Variants in LDLRAD2 observed in about 807,000 individuals in gnomAD.
LDLRAD2 encodes low density lipoprotein receptor class A domain containing 2, also known as low-density lipoprotein receptor class A domain-containing protein 2.
LDLRAD2 carries 25 observed loss-of-function variants against 24.9 expected under a neutral mutation model. The ratio of observed to expected loss-of-function variants is 1.00; its 90% CI spans 0.73 to 1.40. The LOEUF (loss-of-function observed/expected upper bound fraction) is 1.40. Ranked by LOEUF, LDLRAD2 falls within the 40% of genes most tolerant of loss-of-function variation. The pLI is 0.00. For synonymous variants in LDLRAD2, 182 were observed against 166.7 expected, an observed-to-expected ratio of 1.09 and a Z score of -0.71; for missense variants, 391 against 366.2, an observed-to-expected ratio of 1.07 and a Z score of -0.55.
In LDLRAD2 at chr1:21,825,056, C is replaced by G; in HGVS notation, c.*2841C>G. The G allele has an allele frequency of 2.0e-6, 1 of 501,142 alleles. No homozygotes were observed. The highest frequency in any genetic ancestry group is 3.7e-6 in the Non-Finnish European group (1 of 273,190). The allele number at this position is 501,142 out of a possible 1,614,324, so 31.0% of individuals were successfully genotyped here. A position where few individuals can be genotyped will look rare whatever the true frequency, so the allele number is the denominator to read the frequency against. On this transcript the variant is annotated 3_prime_UTR_variant, in exon 5 of 5. Transcript: ENST00000344642. ...ACCAAAGTAGCAGTGGTAGGACCTGCAACTTTGTTACTAGTATTTGCTTAT... is the reference window on the plus strand; with the variant it reads ...ACCAAAGTAGCAGTGGTAGGACCTGGAACTTTGTTACTAGTATTTGCTTAT...
Position 21,824,739 on chromosome 1 carries a change from G to A in LDLRAD2, c.*2524G>A, listed in dbSNP as rs2097964544. 2 of 1,613,578 alleles carry A rather than the reference G, an allele frequency of 1.2e-6. No individual in the cohort carries two copies. The highest frequency in any genetic ancestry group is 2.7e-5 in the African/African-American group (2 of 74,948). Reference sequence around the variant, plus strand: ...AGACATGGCCAGGGAAGGCGAGGAAGCCATCATCGTGGAAATAGGCTCCGT... The same window carrying A: ...AGACATGGCCAGGGAAGGCGAGGAAACCATCATCGTGGAAATAGGCTCCGT... On this transcript the variant is annotated 3_prime_UTR_variant, in exon 5 of 5. Transcript: ENST00000344642. The surrounding 1 kb of genome is among the most constrained non-coding windows in gnomAD (Gnocchi z 5.9).
chr1:21,824,247 C>A lies in LDLRAD2; in HGVS notation c.*2032C>A. On this transcript the variant is annotated 3_prime_UTR_variant, in exon 5 of 5. Coordinates refer to ENST00000344642, the MANE Select transcript of LDLRAD2 (RefSeq NM_001013693.3). This position sits in a 1 kb window ranked among gnomAD's most constrained non-coding sequence, Gnocchi z 5.9. ...CAAGAAGTATGAGCTGGGGCAGGAC[C>A]GGGGGGTGGGGTGCTGGGACCAGGG... is the stretch of plus-strand genomic sequence containing the variant. 1 of 1,612,800 alleles carries A rather than the reference C, an allele frequency of 6.2e-7. No homozygotes were observed. Among genetic ancestry groups the A allele is most frequent in the Non-Finnish European group, 8.5e-7 (1 of 1,179,260 alleles).
At chr1:21,815,906 C>G in intron 2 of LDLRAD2, 37 bp from the exon 3 acceptor site, 3 of 1,610,776 alleles carry the variant, frequency 1.9e-6, no homozygotes, top group Non-Finnish European at 2.5e-6. Flanking sequence ...TGGGCTGGAC[C>G]GGAATCCTCA....
Position 21,823,761 on chromosome 1 carries a change from G to C in LDLRAD2, c.*1546G>C, listed in dbSNP as rs1317525383. 1.0e-5 allele frequency: 15 copies of C among 1,502,228 alleles called. No individual in the cohort carries two copies. The highest frequency in any genetic ancestry group is 1.4e-5 in the Non-Finnish European group (15 of 1,081,380). 93.1% of individuals were successfully genotyped at this position (1,502,228 alleles called of 1,614,324 possible). On this transcript the variant is annotated 3_prime_UTR_variant, in exon 5 of 5. Transcript: ENST00000344642. ...TCAGGCCCCTTTCCACAAACTTCCTGGTCCTCCCCGGCCCCACGACAGAGT... is the reference window on the plus strand; with the variant it reads ...TCAGGCCCCTTTCCACAAACTTCCTCGTCCTCCCCGGCCCCACGACAGAGT...
rs918047257 is a variant in LDLRAD2 at position 21,822,343 on chromosome 1, G to C, written c.*128G>C. 5 of 914,844 alleles carry C rather than the reference G, an allele frequency of 5.5e-6. No individual in the cohort carries two copies. In the African/African-American group the frequency reaches 6.6e-5, roughly 12 times the overall value. The allele number at this position is 914,844 out of a possible 1,614,324, so 56.7% of individuals were successfully genotyped here. A position where few individuals can be genotyped will look rare whatever the true frequency, so the allele number is the denominator to read the frequency against. On this transcript the variant is annotated 3_prime_UTR_variant, in exon 5 of 5. Coordinates refer to ENST00000344642, the MANE Select transcript of LDLRAD2 (RefSeq NM_001013693.3). ...CCAGGCGTCCCAACCCCACAGTCTG[G>C]GGGCCACTGGCAGGATGGCACTTGA...
chr1:21,824,835 C>T lies in LDLRAD2; in HGVS notation c.*2620C>T, dbSNP rs954499252. ...TGCTGCATCAGGCATCAAAATCCCC[C>T]GTCAGTTCCCCTGACCCCCACCTCC... On this transcript the variant is annotated 3_prime_UTR_variant, in exon 5 of 5. Coordinates refer to ENST00000344642, the MANE Select transcript of LDLRAD2 (RefSeq NM_001013693.3). The surrounding 1 kb of genome is among the most constrained non-coding windows in gnomAD (Gnocchi z 5.9). The T allele has an allele frequency of 1.5e-5, 23 of 1,496,468 alleles. No homozygotes were observed. Among genetic ancestry groups the T allele is most frequent in the African/African-American group, 1.2e-4 (9 of 72,226 alleles). The allele number at this position is 1,496,468 out of a possible 1,614,324, so 92.7% of individuals were successfully genotyped here. A position where few individuals can be genotyped will look rare whatever the true frequency, so the allele number is the denominator to read the frequency against.
chr1:21,816,170 G>A, intron 3 of LDLRAD2, 96 bp downstream of exon 3: 2 of 1,498,078 alleles, frequency 1.3e-6, no homozygotes, highest in Admixed American at 2.0e-5. Context: ...TGGGGAGGCA[G>A]GAGAGAGGAA....
rs1251550877 is a variant in LDLRAD2 at position 21,822,382 on chromosome 1, G to T, written c.*167G>T. 1 of 681,802 alleles carries T rather than the reference G, an allele frequency of 1.5e-6. No individual in the cohort carries two copies. Among genetic ancestry groups the T allele is most frequent in the South Asian group, 1.7e-5 (1 of 58,622 alleles). 42.2% of individuals were successfully genotyped at this position (681,802 alleles called of 1,614,324 possible). On this transcript the variant is annotated 3_prime_UTR_variant, in exon 5 of 5. Transcript: ENST00000344642. ...GATGGCACTTGAGCTGGATCTTCAG[G>T]CTCCTGCAGATGGGGCAGGGTGGTC...
At chr1:21,816,969 G>A (rs894522877) in intron 3 of LDLRAD2, among the ~76,000 whole-genome samples, 2 of 152,226 alleles carry the variant, frequency 1.3e-5, no homozygotes, top group East Asian at 1.9e-4. Flanking sequence ...ATGTATAGGC[G>A]AAATCTCAAA....
chr1:21,814,930 G>A (rs561450794), intron 2 of LDLRAD2, 107 bp downstream of exon 2: 7 of 1,114,978 alleles, frequency 6.3e-6, no homozygotes, highest in Non-Finnish European at 8.3e-6. Context: ...GGAATGGCAG[G>A]GGTGCCCGAA....
In LDLRAD2 at chr1:21,816,041, G is replaced by T; in HGVS notation, c.610G>T (p.Asp204Tyr). The change falls in exon 3 of 5, where the codon GAC becomes TAC. Residue 204 changes from aspartate (D) to tyrosine (Y), a missense_variant. By Grantham distance (160) the Asp-to-Tyr change is radical (BLOSUM62 -3). Coordinates refer to ENST00000344642, the MANE Select transcript of LDLRAD2 (RefSeq NM_001013693.3). ...WGMDNCGDGS[D>Y]QGSWSPADCR... Reference sequence around the variant, plus strand: ...CATGGACAACTGTGGCGATGGCAGTGACCAGGGCTCCTGGTCACCAGCTGA... The same window carrying T: ...CATGGACAACTGTGGCGATGGCAGTTACCAGGGCTCCTGGTCACCAGCTGA... 1 of 1,613,632 alleles carries T rather than the reference G, an allele frequency of 6.2e-7. No individual in the cohort carries two copies. The highest frequency in any genetic ancestry group is 1.1e-5 in the South Asian group (1 of 91,052).
chr1:21,821,523 T>C lies in LDLRAD2; in HGVS notation c.717T>C (p.Ala239=). 1 of 1,613,990 alleles carries C rather than the reference T, an allele frequency of 6.2e-7. No homozygotes were observed. Among genetic ancestry groups the C allele is most frequent in the Non-Finnish European group, 8.5e-7 (1 of 1,179,982 alleles). ...CCAGATCCCTGACTCCCTCCCCAGC[T>C]CTCGGGTCTGCAGGATCCCTCTGGA... ...HTSRSLTPSP[A]LGSAGSLWIA... The change falls in exon 4 of 5, where the codon GCT becomes GCC. Residue 239 remains alanine, a synonymous_variant. Transcript: ENST00000344642.
Position 21,823,240 on chromosome 1 carries a change from A to G in LDLRAD2, c.*1025A>G. On this transcript the variant is annotated 3_prime_UTR_variant, in exon 5 of 5. Coordinates refer to ENST00000344642, the MANE Select transcript of LDLRAD2 (RefSeq NM_001013693.3). ...CCTCGGTTTCTTACAAAAATTCATA[A>G]TAATATTAATAATAATATACTCGAC... The G allele has an allele frequency of 2.3e-6, 3 of 1,278,242 alleles. No homozygotes were observed. Among genetic ancestry groups the G allele is most frequent in the East Asian group, 2.7e-5 (1 of 37,482 alleles). The allele number at this position is 1,278,242 out of a possible 1,614,324, so 79.2% of individuals were successfully genotyped here.
At chr1:21,819,734 C>T (rs2097948257) in intron 3 of LDLRAD2, among the ~76,000 whole-genome samples, 1 of 151,952 alleles carries the variant, frequency 6.6e-6, no homozygotes, top group Admixed American at 6.6e-5. Flanking sequence ...GCGGTGATGG[C>T]TGCACAATGT....
At chr1:21,817,752 A>G (rs139191279) in intron 3 of LDLRAD2, among the ~76,000 whole-genome samples, 120 of 152,300 alleles carry the variant, frequency 7.9e-4, no homozygotes, top group African/African-American at 2.7e-3. Context: ...TGTTTTAATT[A>G]ATGAAGTAAT....
chr1:21,822,758 G>A lies in LDLRAD2; in HGVS notation c.*543G>A, dbSNP rs1032005542. ...CTGCCAGAGGAGGTGCCAGGGGCTG[G>A]GTGGAGGTGGGTGGGGGTGCTGAAA... On this transcript the variant is annotated 3_prime_UTR_variant, in exon 5 of 5. Transcript: ENST00000344642. The A allele has an allele frequency of 1.2e-5, 2 of 162,664 alleles. No individual in the cohort carries two copies. The highest frequency in any genetic ancestry group is 1.3e-5 in the Non-Finnish European group (1 of 74,366). 10.1% of individuals were successfully genotyped at this position (162,664 alleles called of 1,614,324 possible).
rs374372684 is a variant in LDLRAD2, at chr1:21,812,556, G to A, written c.85+20G>A. On this transcript the variant is annotated intron_variant, in intron 1 of 4. Transcript: ENST00000344642. ...AGACAGGTAAGTATCAGGGGGCTTGGTTGGGGCACCCAGAAGACTTGGGCC... is the reference window on the plus strand; with the variant it reads ...AGACAGGTAAGTATCAGGGGGCTTGATTGGGGCACCCAGAAGACTTGGGCC... The A allele has an allele frequency of 1.9e-6, 3 of 1,608,860 alleles. No individual in the cohort carries two copies. The highest frequency in any genetic ancestry group is 2.7e-5 in the African/African-American group (2 of 74,826).
At position 21,822,095 on chromosome 1, in the gene LDLRAD2, T is replaced by C. The variant is rs569199812; in HGVS notation, c.806-107T>C. 1.5e-5 allele frequency: 24 copies of C among 1,599,804 alleles called. No individual in the cohort carries two copies. In the African/African-American group the frequency reaches 2.1e-4, roughly 14 times the overall value. Reference sequence around the variant, plus strand: ...GAGACTCAGCTGCCCCTCTAGAAAATAGGACAATTCCTGCCTCACAGGGTT... The same window carrying C: ...GAGACTCAGCTGCCCCTCTAGAAAACAGGACAATTCCTGCCTCACAGGGTT... On this transcript the variant is annotated intron_variant, in intron 4 of 4. Coordinates refer to ENST00000344642, the MANE Select transcript of LDLRAD2 (RefSeq NM_001013693.3).
Position 21,824,909 on chromosome 1 carries a change from C to T in LDLRAD2, c.*2694C>T, listed in dbSNP as rs1438550992. On this transcript the variant is annotated 3_prime_UTR_variant, in exon 5 of 5. Coordinates refer to ENST00000344642, the MANE Select transcript of LDLRAD2 (RefSeq NM_001013693.3). The surrounding 1 kb of genome is among the most constrained non-coding windows in gnomAD (Gnocchi z 5.9). Reference sequence around the variant, plus strand: ...GCTCCGAGCCTGCAGTCCCTGGGGACCCACGGGGGCTGCCAACAGAATTCA... The same window carrying T: ...GCTCCGAGCCTGCAGTCCCTGGGGATCCACGGGGGCTGCCAACAGAATTCA... 20 of 815,878 alleles carry T rather than the reference C, an allele frequency of 2.5e-5. No homozygotes were observed. In the Admixed American group the frequency reaches 3.6e-4, roughly 15 times the overall value. The allele number at this position is 815,878 out of a possible 1,614,324, so 50.5% of individuals were successfully genotyped here.
Sources: allele counts gnomAD v4.1 joint callset (sites outside exome capture counted in the v4.1 genomes callset), GRCh38; gene constraint gnomAD v4.1.1; non-coding constraint Gnocchi (gnomAD v3.1); transcripts MANE v1.5; gene names NCBI Gene and HGNC (gene_info 2026-07-23, HGNC 2026-07-21).